The following SLC7A7 variants were observed in gnomAD, a reference collection of about 807,000 sequenced individuals.
SLC7A7 encodes Y+L amino acid transporter 1.
SLC7A7 carries 39 observed loss-of-function variants against 47.9 expected under a neutral mutation model. The observed-to-expected ratio is 0.81, with a 90% CI of 0.63 to 1.06. The LOEUF is 1.06. SLC7A7 is among the 50% of genes least tolerant of loss of function. The probability of loss-of-function intolerance (pLI) is 0.00; values close to 1 mark genes in which losing one functional copy is unlikely to be tolerated. For missense variants in SLC7A7, 588 were observed against 632.0 expected, an observed-to-expected ratio of 0.93 and a Z score of 0.75; for synonymous variants, 234 against 242.8, an observed-to-expected ratio of 0.96 and a Z score of 0.34.
chr14:22,796,572 T>C (rs1437048387), intron 2 of SLC7A7, among the ~76,000 whole-genome samples: 1 of 152,226 alleles, frequency 6.6e-6, no homozygotes, highest in Admixed American at 6.5e-5. Context: ...TGAAGAACAG[T>C]ACTCTGTAAA....
At chr14:22,785,447 C>T (rs117747433) in intron 2 of SLC7A7, among the ~76,000 whole-genome samples, 23 of 151,764 alleles carry the variant, frequency 1.5e-4, no homozygotes, top group African/African-American at 2.9e-4. Context: ...ATGAATATCA[C>T]GGCCAGGCGC....
Position 22,815,343 on chromosome 14 carries a change from G to T in SLC7A7, c.-66C>A, listed in dbSNP as rs886050406. 1.3e-5 allele frequency: 6 copies of T among 454,462 alleles called. No individual in the cohort carries two copies. The highest frequency in any genetic ancestry group is 2.6e-5 in the Non-Finnish European group (6 of 226,804). 28.2% of individuals were successfully genotyped at this position (454,462 alleles called of 1,614,324 possible). A position where few individuals can be genotyped will look rare whatever the true frequency, so the allele number is the denominator to read the frequency against. ...ACTCCTTGGTCCTGGATATAAGCAG[G>T]TTCTCACGGCAGTGTGAGCAGCAGT... On this transcript the variant is annotated 5_prime_UTR_variant, in exon 1 of 10. Transcript: ENST00000674313.
At chr14:22,778,997 G>A in intron 3 of SLC7A7, 60 bp from the exon 4 acceptor site, 3 of 1,604,692 alleles carry the variant, frequency 1.9e-6, no homozygotes, top group East Asian at 2.2e-5. Context: ...ACTTCAAGAT[G>A]GTCAAGTAAA....
At chr14:22,811,252 G>C (rs1351230262) in intron 2 of SLC7A7, among the ~76,000 whole-genome samples, 1 of 152,206 alleles carries the variant, frequency 6.6e-6, no homozygotes, top group Non-Finnish European at 1.5e-5. Context: ...GGAGAGCGGT[G>C]AGCCAATGAG....
chr14:22,807,883 C>T (rs111345188), intron 2 of SLC7A7, among the ~76,000 whole-genome samples: 112 of 152,276 alleles, frequency 7.4e-4, no homozygotes, highest in African/African-American at 2.3e-3. Flanking sequence ...CCATTTAGGT[C>T]GGGCGTGGTA....
chr14:22,789,935 A>G (rs2038895256), intron 2 of SLC7A7, among the ~76,000 whole-genome samples: 1 of 152,190 alleles, frequency 6.6e-6, no homozygotes. Flanking sequence ...TAGCCCAGTG[A>G]GACCCATTTC....
chr14:22,774,422 C>T lies in SLC7A7; in HGVS notation c.1177G>A (p.Val393Met). 1 of 1,614,176 alleles carries T rather than the reference C, an allele frequency of 6.2e-7. No individual in the cohort carries two copies. ...NYYSFSYWFF[V>M]GLSIVGQLYL... ...AGCTGACCCACAATAGAAAGCCCCA[C>T]AAAGAACCAGTAGCTGAAGCTGTAG... The change falls in exon 8 of 10, where the codon GTG becomes ATG. Residue 393 changes from valine (V) to methionine (M), a missense_variant. Physicochemically the swap from Val to Met is conservative, Grantham distance 21. Transcript: ENST00000674313.
At chr14:22,782,756 C>A (rs1428785804) in intron 2 of SLC7A7, among the ~76,000 whole-genome samples, 1 of 150,496 alleles carries the variant, frequency 6.6e-6, no homozygotes, top group Non-Finnish European at 1.5e-5. Context: ...GCCACCACAC[C>A]CGTCCCTTTT....
chr14:22,779,445 T>C (rs2038675044), intron 3 of SLC7A7, among the ~76,000 whole-genome samples: 1 of 148,600 alleles, frequency 6.7e-6, no homozygotes, highest in African/African-American at 2.5e-5. Context: ...TTGGGCAAGA[T>C]ATTTAATTCT....
At chr14:22,798,047 G>C (rs1204163970) in intron 2 of SLC7A7, among the ~76,000 whole-genome samples, 1 of 152,216 alleles carries the variant, frequency 6.6e-6, no homozygotes, top group African/African-American at 2.4e-5. Flanking sequence ...TGTAATCCCA[G>C]CAATTTGAGA....
At position 22,787,579 on chromosome 14, in the gene SLC7A7, C is replaced by T. The variant is rs192485664; in HGVS notation, c.500-7528G>A. 3.1e-4 allele frequency among the ~76,000 whole-genome samples: 47 copies of T among 150,236 alleles called. No individual in the cohort carries two copies. The East Asian group carries it at 8.5e-3, about 27-fold the overall frequency. The stretch of plus-strand genomic sequence containing the variant: ...CCAGCCTGGCAATATGGCAAAACCC[C>T]ATCTCTACTAAAAGGAAAATGCAAA... On this transcript the variant is annotated intron_variant, in intron 2 of 9. Transcript: ENST00000674313.
chr14:22,783,263 A>C (rs532810249), intron 2 of SLC7A7, among the ~76,000 whole-genome samples: 1 of 151,312 alleles, frequency 6.6e-6, no homozygotes, highest in Non-Finnish European at 1.5e-5. Context: ...GGGTCTTGCT[A>C]TGTGGCCCAG....
At position 22,787,292 on chromosome 14, in the gene SLC7A7, C is replaced by T. The variant is rs899739763; in HGVS notation, c.500-7241G>A. Among the ~76,000 whole-genome samples, 16 of 151,978 alleles carry T rather than the reference C, an allele frequency of 1.1e-4. No individual in the cohort carries two copies. The East Asian group carries it at 1.2e-3, about 11-fold the overall frequency. ...CTCTACTAAAAGAACAAAAATTATC[C>T]GGGTGTGGTGGTGGGCACCTGTAGT... is the stretch of plus-strand genomic sequence containing the variant. On this transcript the variant is annotated intron_variant, in intron 2 of 9. Transcript: ENST00000674313.
chr14:22,815,666 A>C (rs1296893450), upstream of SLC7A7: 5 of 453,950 alleles, frequency 1.1e-5, no homozygotes, highest in Admixed American at 1.2e-4. Context: ...CTCTGGGACC[A>C]GGGGCCCAGA....
intron 2 of SLC7A7, among the ~76,000 whole-genome samples, chr14:22,788,533 G>A (rs868042411): frequency 7.3e-5 from 11 of 151,590 alleles, no homozygotes; most frequent in East Asian, 1.9e-4. Flanking sequence ...TGAAACCCCC[G>A]TCTCTACTAA....
Position 22,775,903 on chromosome 14 carries a change from A to T in SLC7A7, c.928T>A (p.Trp310Arg), listed in dbSNP as rs560232787. The change falls in exon 6 of 10, where the codon TGG becomes AGG. Residue 310 changes from tryptophan (W) to arginine (R), a missense_variant. Coordinates refer to ENST00000674313, the MANE Select transcript of SLC7A7 (RefSeq NM_003982.4). ...AATGCAACTGACAGTGGAATTATCC[A>T]GTTAAATATTCCAAATATCTGATCT... Reference protein sequence around the residue: ...FADQIFGIFNWIIPLSVALSC... With the variant: ...FADQIFGIFNRIIPLSVALSC... The T allele has an allele frequency of 1.7e-5, 27 of 1,614,102 alleles. No homozygotes were observed. In the South Asian group the frequency reaches 2.5e-4, roughly 15 times the overall value.
At chr14:22,790,690 T>C (rs1003556610) in intron 2 of SLC7A7, among the ~76,000 whole-genome samples, 9 of 152,130 alleles carry the variant, frequency 5.9e-5, no homozygotes, top group Admixed American at 5.9e-4. Flanking sequence ...TGAAATTGTT[T>C]CCTCCTTTCA....
intron 2 of SLC7A7, among the ~76,000 whole-genome samples, chr14:22,784,350 T>G (rs897753930): frequency 1.3e-5 from 2 of 152,212 alleles, no homozygotes; most frequent in African/African-American, 4.8e-5. Context: ...CCGGGTGCAG[T>G]GGCTCACGCC....
At chr14:22,775,960 C>A in intron 5 of SLC7A7, 24 bp from the exon 6 acceptor site, 1 of 1,577,734 alleles carries the variant, frequency 6.3e-7, no homozygotes, top group South Asian at 1.1e-5. Context: ...ATGGAAGAGT[C>A]ATTAGCAGGA....
Sources: allele counts gnomAD v4.1 joint callset (sites outside exome capture counted in the v4.1 genomes callset), GRCh38; gene constraint gnomAD v4.1.1; transcripts MANE v1.5; gene names NCBI Gene and HGNC (gene_info 2026-07-23, HGNC 2026-07-21).